The following ZFP90 variants were observed in gnomAD, a reference collection of about 807,000 sequenced individuals.
ZFP90 encodes ZFP90 zinc finger protein.
ZFP90 carries 38 observed loss-of-function variants against 60.8 expected under a neutral mutation model. The ratio of observed to expected loss-of-function variants is 0.62; its 90% confidence interval spans 0.48 to 0.82. The LOEUF (loss-of-function observed/expected upper bound fraction) is 0.82. Among genes scored for constraint, ZFP90 ranks in the 40% least tolerant of loss-of-function variants. ZFP90 has a pLI of 0.00. For synonymous variants in ZFP90, 287 were observed against 264.8 expected (o/e 1.08, Z -0.82); for missense variants, 711 against 759.1 (o/e 0.94, Z 0.74).
At chr16:68,545,179 C>T (rs537687646) in intron 2 of ZFP90, among the ~76,000 whole-genome samples, 23 of 151,850 alleles carry the variant, frequency 1.5e-4, no homozygotes, top group African/African-American at 5.3e-4. Context: ...GCGCCCGGCC[C>T]ATGCACTCCT....
intron 2 of ZFP90, among the ~76,000 whole-genome samples, chr16:68,540,871 A>G (rs921827330): frequency 7.4e-5 from 11 of 149,592 alleles, no homozygotes; most frequent in Non-Finnish European, 1.5e-4. Context: ...GTCCTTTAAA[A>G]GAGCAGTTTA....
At chr16:68,547,260 A>G (rs893845920) in intron 2 of ZFP90, among the ~76,000 whole-genome samples, 15 of 152,194 alleles carry the variant, frequency 9.9e-5, no homozygotes, top group Non-Finnish European at 1.0e-4. Context: ...ACATCCCCCC[A>G]ACCCTTGTTA....
At chr16:68,548,517 T>C (rs1239963959) in intron 2 of ZFP90, among the ~76,000 whole-genome samples, 1 of 141,072 alleles carries the variant, frequency 7.1e-6, no homozygotes, top group Non-Finnish European at 1.5e-5. Flanking sequence ...TGAGACGGAG[T>C]TTCGCTCTTA....
rs924306048 is a variant in ZFP90, at chr16:68,566,291, C to T, written c.*1593C>T. ...CATTGACCATGCAGACCAATTTGGG[C>T]ACAACTGGACATTGATTCCTTTTAC... On this transcript the variant is annotated 3_prime_UTR_variant, in exon 5 of 5. Transcript: ENST00000563169. 2.7e-5 allele frequency: 27 copies of T among 985,450 alleles called. No homozygotes were observed. Among genetic ancestry groups the T allele is most frequent in the Non-Finnish European group, 3.3e-5 (27 of 829,944 alleles). The allele number at this position is 985,450 out of a possible 1,614,324, so 61.0% of individuals were successfully genotyped here. A position where few individuals can be genotyped will look rare whatever the true frequency, so the allele number is the denominator to read the frequency against.
chr16:68,564,564 AAAAC>A lies in ZFP90; in HGVS notation c.1778_1781del (p.Lys593ThrfsTer57), dbSNP rs2091493260. 1 of 1,613,984 alleles carries A rather than the reference AAAAC, an allele frequency of 6.2e-7. No homozygotes were observed. The highest frequency in any genetic ancestry group is 8.5e-7 in the Non-Finnish European group (1 of 1,180,000). Reference sequence around the variant, plus strand: ...TGAATGTGGGAGAGCCTTCCGAAAAAAAACCAACCTGCATGATCATCAGAGAATT... The same window carrying A: ...TGAATGTGGGAGAGCCTTCCGAAAAACAACCTGCATGATCATCAGAGAATT... On this transcript the variant is annotated frameshift_variant, in exon 5 of 5. Coordinates refer to ENST00000563169, the MANE Select transcript of ZFP90 (RefSeq NM_001305203.2). LOFTEE classifies it high-confidence loss of function.
chr16:68,561,544 A>T (rs948811372), intron 4 of ZFP90, among the ~76,000 whole-genome samples: 22 of 152,326 alleles, frequency 1.4e-4, no homozygotes, highest in Non-Finnish European at 2.9e-4. Context: ...CAGATTTAAT[A>T]ATATGCCATC....
chr16:68,564,869 T>C lies in ZFP90; in HGVS notation c.*171T>C. Reference sequence around the variant, plus strand: ...TTTTTTTTTTAACATAAAGACACATTCTCAGATCTGATTACAGACTAGTGT... The same window carrying C: ...TTTTTTTTTTAACATAAAGACACATCCTCAGATCTGATTACAGACTAGTGT... On this transcript the variant is annotated 3_prime_UTR_variant, in exon 5 of 5. Transcript: ENST00000563169. 7.2e-7 allele frequency: 1 copy of C among 1,393,728 alleles called. No individual in the cohort carries two copies. Among genetic ancestry groups the C allele is most frequent in the Non-Finnish European group, 9.3e-7 (1 of 1,080,322 alleles). The allele number at this position is 1,393,728 out of a possible 1,614,324, so 86.3% of individuals were successfully genotyped here.
intron 2 of ZFP90, among the ~76,000 whole-genome samples, chr16:68,543,847 CTG>C (rs1160191238): frequency 6.8e-6 from 1 of 146,112 alleles, no homozygotes; most frequent in Non-Finnish European, 1.5e-5. Flanking sequence ...GCGTGAGCCA[CTG>C]TGTCTGGCCT....
In ZFP90 at chr16:68,558,628, G is replaced by A. The variant is rs552148108; in HGVS notation, c.256+60G>A. Reference sequence around the variant, plus strand: ...GCAGTTAATGGCACAACTTAGGGAGGGGGAGATACCCTCCAGCAGCTGGCT... The same window carrying A: ...GCAGTTAATGGCACAACTTAGGGAGAGGGAGATACCCTCCAGCAGCTGGCT... On this transcript the variant is annotated intron_variant, in intron 4 of 4. Transcript: ENST00000563169. 5.7e-5 allele frequency: 84 copies of A among 1,481,306 alleles called. No homozygotes were observed. In the African/African-American group the frequency reaches 9.7e-4, roughly 17 times the overall value. 91.8% of individuals were successfully genotyped at this position (1,481,306 alleles called of 1,614,324 possible).
At chr16:68,536,937 T>A (rs1257684509), upstream of ZFP90, among the ~76,000 whole-genome samples, 2 of 152,160 alleles carry the variant, frequency 1.3e-5, no homozygotes, top group African/African-American at 2.4e-5. Flanking sequence ...CCTTGTTCCA[T>A]CAAGTCCCAG....
In ZFP90 at chr16:68,574,637, G is replaced by A. The variant is rs113259286; in HGVS notation, c.224-1154G>A. 5.2e-3 allele frequency among the ~76,000 whole-genome samples: 798 copies of A among 152,182 alleles called. 5 individuals are homozygous for A. The highest frequency in any genetic ancestry group is 0.018 in the African/African-American group (743 of 41,534). ...GAGGCATTTTGCTGATGAAAGACACGCGTGGACCGGGTGTGGTGCCTCACA... is the reference window on the plus strand; with the variant it reads ...GAGGCATTTTGCTGATGAAAGACACACGTGGACCGGGTGTGGTGCCTCACA... On this transcript the variant is annotated intron_variant, in intron 2 of 2. Coordinates refer to the ZFP90 transcript ENST00000573113.
rs536125819 is a variant in ZFP90, at chr16:68,566,451, TTC to T, written c.*1758_*1759del. ...TGCCACATAGCAGGATTCATTGCCT[TTC>T]TCTCATCATGGATGGCATGCAGCAG... On this transcript the variant is annotated 3_prime_UTR_variant, in exon 5 of 5. Transcript: ENST00000563169. 32 of 985,430 alleles carry T rather than the reference TTC, an allele frequency of 3.2e-5. 2 individuals are homozygous for T. Among genetic ancestry groups the T allele is most frequent in the East Asian group, 1.1e-4 (1 of 8,956 alleles). 61.0% of individuals were successfully genotyped at this position (985,430 alleles called of 1,614,324 possible).
chr16:68,544,851 C>T (rs2152057962), intron 2 of ZFP90, among the ~76,000 whole-genome samples: 1 of 148,238 alleles, frequency 6.7e-6, no homozygotes, highest in Non-Finnish European at 1.5e-5. Context: ...GTGCCCATAG[C>T]ACCTGTGAAC....
In ZFP90 at chr16:68,565,726, A is replaced by T; in HGVS notation, c.*1028A>T. ...AGAATTTTCCCGTTAATTTTCTTGC[A>T]GAAAAGTTAAGTCTAATTGCCCATT... On this transcript the variant is annotated 3_prime_UTR_variant, in exon 5 of 5. Transcript: ENST00000563169. The T allele has an allele frequency of 1.1e-6, 1 of 894,356 alleles. No individual in the cohort carries two copies. Among genetic ancestry groups the T allele is most frequent in the African/African-American group, 3.0e-5 (1 of 33,566 alleles). The allele number at this position is 894,356 out of a possible 1,614,324, so 55.4% of individuals were successfully genotyped here. A position where few individuals can be genotyped will look rare whatever the true frequency, so the allele number is the denominator to read the frequency against.
chr16:68,535,807 T>A (rs569537019), upstream of ZFP90: 10 of 152,310 alleles, frequency 6.6e-5, no homozygotes, highest in Non-Finnish European at 1.0e-4. Flanking sequence ...TCCCTACCAA[T>A]TTTCTAGCTC....
At chr16:68,570,080 C>T (rs2091559917), downstream of ZFP90, among the ~76,000 whole-genome samples, 1 of 150,548 alleles carries the variant, frequency 6.6e-6, no homozygotes, top group South Asian at 2.1e-4. Context: ...GCTATATCCC[C>T]CTCTCCCTAC....
rs116096938 is a variant in ZFP90 at position 68,553,961 on chromosome 16, T to C, written c.34-4037T>C. Among the ~76,000 whole-genome samples the C allele has an allele frequency of 3.9e-3, 593 of 152,092 alleles. 8 individuals are homozygous for C. The highest frequency in any genetic ancestry group is 0.014 in the African/African-American group (571 of 41,482). On this transcript the variant is annotated intron_variant, in intron 2 of 4. Transcript: ENST00000563169. Reference sequence around the variant, plus strand: ...TTTAACAAGATCTCTCTGGTTGTAATGTGGAAAATGGACTTGGGTGGTGGG... The same window carrying C: ...TTTAACAAGATCTCTCTGGTTGTAACGTGGAAAATGGACTTGGGTGGTGGG...
chr16:68,547,410 C>T (rs2091170208), intron 2 of ZFP90, among the ~76,000 whole-genome samples: 3 of 152,026 alleles, frequency 2.0e-5, no homozygotes, highest in Non-Finnish European at 4.4e-5. Context: ...TATTCAAGTT[C>T]CTGGCACATT....
At chr16:68,539,699 CG>C (rs1567391668) in intron 1 of ZFP90, 58 bp from the exon 2 acceptor site, 12 of 894,026 alleles carry the variant, frequency 1.3e-5, no homozygotes, top group Non-Finnish European at 1.6e-5. Context: ...TGGGGCGGGG[CG>C]GGGCGGGGTG....
Sources: allele counts gnomAD v4.1 joint callset (sites outside exome capture counted in the v4.1 genomes callset), GRCh38; gene constraint gnomAD v4.1.1; transcripts MANE v1.5; gene names NCBI Gene and HGNC (gene_info 2026-07-23, HGNC 2026-07-21).